ZFPM2: variants seen among roughly 807,000 people sequenced by gnomAD.
ZFPM2 encodes zinc finger protein ZFPM2.
ZFPM2 carries 20 observed loss-of-function variants against 98.6 expected under a neutral mutation model. The ratio of observed to expected loss-of-function variants is 0.20; its 90% CI spans 0.14 to 0.29. The LOEUF (loss-of-function observed/expected upper bound fraction) is 0.29, where lower values mean the gene tolerates loss of function less well. ZFPM2 is among the 10% of genes least tolerant of loss of function. The probability of loss-of-function intolerance (pLI) is 1.00; values close to 1 mark genes in which losing one functional copy is unlikely to be tolerated. For synonymous variants in ZFPM2, 518 were observed against 502.7 expected, an observed-to-expected ratio of 1.03 and a Z score of -0.41; for missense variants, 1,310 against 1,388.6, an observed-to-expected ratio of 0.94 and a Z score of 0.90.
chr8:105,792,116 T>C (rs1345932427), intron 6 of ZFPM2, among the ~76,000 whole-genome samples: 1 of 152,218 alleles, frequency 6.6e-6, no homozygotes. Context: ...TTTAGTTATT[T>C]CTTGCCTTCT....
At chr8:105,352,200 T>G (rs940709475) in intron 1 of ZFPM2, among the ~76,000 whole-genome samples, 1 of 152,230 alleles carries the variant, frequency 6.6e-6, no homozygotes, top group African/African-American at 2.4e-5. Context: ...GTGTTGATTT[T>G]GCACATTGTT....
chr8:105,801,152 A>G lies in ZFPM2; in HGVS notation c.1070A>G (p.His357Arg). 6.2e-7 allele frequency: 1 copy of G among 1,613,922 alleles called. No homozygotes were observed. The highest frequency in any genetic ancestry group is 8.5e-7 in the Non-Finnish European group (1 of 1,179,876). The change falls in exon 8 of 8, where the codon CAT becomes CGT. Residue 357 changes from histidine to arginine, a missense_variant. Coordinates refer to ENST00000407775, the MANE Select transcript of ZFPM2 (RefSeq NM_012082.4). ...AACTTTCACCAACACCTGTTCTCCC[A>G]TCTCACTCAAGCTGCCTTCCGATGT... ...VINFHQHLFS[H>R]LTQAAFRCNH... is the part of the protein sequence containing the mutation.
intron 3 of ZFPM2, among the ~76,000 whole-genome samples, chr8:105,450,134 T>A (rs557287738): frequency 6.6e-6 from 1 of 152,266 alleles, no homozygotes; most frequent in East Asian, 1.9e-4. Flanking sequence ...TGTAAATAAG[T>A]TGCTTTATAC....
intron 4 of ZFPM2, among the ~76,000 whole-genome samples, chr8:105,577,740 C>A (rs1815498563): frequency 1.4e-5 from 2 of 144,772 alleles, no homozygotes; most frequent in Non-Finnish European, 3.0e-5. Context: ...TAAAAAGACC[C>A]AATTTAATTA....
chr8:105,529,647 T>A (rs1486811653), intron 3 of ZFPM2, among the ~76,000 whole-genome samples: 1 of 151,664 alleles, frequency 6.6e-6, no homozygotes, highest in Non-Finnish European at 1.5e-5. Context: ...CCCACATTGC[T>A]TAGGAAGAAA....
intron 3 of ZFPM2, among the ~76,000 whole-genome samples, chr8:105,503,578 T>C (rs1323057072): frequency 6.6e-6 from 1 of 152,114 alleles, no homozygotes; most frequent in African/African-American, 2.4e-5. Flanking sequence ...CTCCAAAATA[T>C]CAGTGAGCCA....
chr8:105,398,457 T>C (rs749969795), intron 1 of ZFPM2, among the ~76,000 whole-genome samples: 1 of 152,338 alleles, frequency 6.6e-6, no homozygotes, highest in East Asian at 1.9e-4. Flanking sequence ...CTTCTCCAAT[T>C]ATTTTTTAGA....
At chr8:105,441,925 C>A (rs16873071) in intron 2 of ZFPM2, among the ~76,000 whole-genome samples, 3,792 of 152,218 alleles carry the variant, frequency 0.025, 67 homozygotes, top group Admixed American at 0.037. Context: ...ATGTAACCTG[C>A]AAAATGGGGC....
At position 105,486,185 on chromosome 8, in the gene ZFPM2, A is replaced by G. The variant is rs139626467; in HGVS notation, c.301+41804A>G. Reference sequence around the variant, plus strand: ...TAAGAATTCACTTGAACCTTATGGAATGGGGTCTGTTACTCAGTAAGCATC... The same window carrying G: ...TAAGAATTCACTTGAACCTTATGGAGTGGGGTCTGTTACTCAGTAAGCATC... On this transcript the variant is annotated intron_variant, in intron 3 of 7. Coordinates refer to ENST00000407775, the MANE Select transcript of ZFPM2 (RefSeq NM_012082.4). Among the ~76,000 whole-genome samples the G allele has an allele frequency of 2.5e-3, 382 of 152,198 alleles. 1 individual carries two copies. The highest frequency in any genetic ancestry group is 0.024 in the Middle Eastern group (7 of 294).
At chr8:105,604,919 A>G (rs1474784109) in intron 4 of ZFPM2, among the ~76,000 whole-genome samples, 5 of 152,026 alleles carry the variant, frequency 3.3e-5, no homozygotes, top group Non-Finnish European at 5.9e-5. Context: ...ATGTTTTGCT[A>G]TTTCACCAAC....
At chr8:105,647,682 C>T (rs1305902227) in intron 5 of ZFPM2, among the ~76,000 whole-genome samples, 1 of 152,132 alleles carries the variant, frequency 6.6e-6, no homozygotes, top group Admixed American at 6.5e-5. Context: ...CCAACTTCAT[C>T]CACGTCCCCA....
intron 1 of ZFPM2, among the ~76,000 whole-genome samples, chr8:105,416,713 G>T (rs1811686202): frequency 6.6e-6 from 1 of 151,690 alleles, no homozygotes; most frequent in Non-Finnish European, 1.5e-5. Flanking sequence ...TATAAATTAT[G>T]TAAATAAAAA....
At chr8:105,466,317 G>T (rs1247339706) in intron 3 of ZFPM2, among the ~76,000 whole-genome samples, 2 of 151,820 alleles carry the variant, frequency 1.3e-5, no homozygotes, top group Non-Finnish European at 2.9e-5. Context: ...AGAAATTATA[G>T]GATTAAACTA....
At chr8:105,587,405 C>T (rs62527236) in intron 4 of ZFPM2, among the ~76,000 whole-genome samples, 6 of 151,596 alleles carry the variant, frequency 4.0e-5, no homozygotes, top group South Asian at 4.2e-4. Flanking sequence ...GTATAAGCAA[C>T]GAACTACCCT....
At chr8:105,626,610 G>GTGTGTA (rs1454817786) in intron 4 of ZFPM2, among the ~76,000 whole-genome samples, 7 of 152,140 alleles carry the variant, frequency 4.6e-5, no homozygotes, top group Non-Finnish European at 8.8e-5. Flanking sequence ...GTGTGCGTGT[G>GTGTGTA]TGTGTATGTG....
At chr8:105,561,991 T>A (rs1815148573) in intron 4 of ZFPM2, among the ~76,000 whole-genome samples, 1 of 152,114 alleles carries the variant, frequency 6.6e-6, no homozygotes, top group African/African-American at 2.4e-5. Flanking sequence ...TTATGTGGAT[T>A]ATTGATTAAT....
At chr8:105,789,069 A>T in intron 6 of ZFPM2, 145 bp downstream of exon 6, 1 of 665,706 alleles carries the variant, frequency 1.5e-6, no homozygotes, top group Non-Finnish European at 2.3e-6. Context: ...TTAAATATTT[A>T]ATTTGAGAAA....
At chr8:105,462,116 G>A (rs1402419657) in intron 3 of ZFPM2, among the ~76,000 whole-genome samples, 1 of 151,990 alleles carries the variant, frequency 6.6e-6, no homozygotes, top group Non-Finnish European at 1.5e-5. Flanking sequence ...AAAATTTTGA[G>A]AATTGTTTCC....
At chr8:105,791,920 T>C (rs1813624189) in intron 6 of ZFPM2, among the ~76,000 whole-genome samples, 1 of 152,254 alleles carries the variant, frequency 6.6e-6, no homozygotes, top group Non-Finnish European at 1.5e-5. Flanking sequence ...TATATTTCTG[T>C]GGGATCGCTG....
Sources: gnomAD v4.1 joint callset for allele counts (sites outside exome capture counted in the v4.1 genomes callset) on GRCh38, gnomAD v4.1.1 for gene constraint, MANE v1.5 for transcripts, NCBI Gene and HGNC (gene_info 2026-07-23, HGNC 2026-07-21) for gene names.